SKAP1: variants seen among roughly 807,000 people sequenced by gnomAD.
The protein encoded by SKAP1 is src kinase-associated phosphoprotein 1.
A neutral mutation model predicts 58.5 loss-of-function variants in SKAP1; 44 were observed. That is an observed-to-expected ratio of 0.75 (90% CI 0.59 to 0.97). SKAP1 has a LOEUF of 0.97. Ranked by LOEUF, SKAP1 falls within the 50% of genes least tolerant of loss-of-function variation. The pLI is 0.00. For synonymous variants in SKAP1, 127 were observed against 149.7 expected, an observed-to-expected ratio of 0.85 and a Z score of 1.11; for missense variants, 390 against 435.2, an observed-to-expected ratio of 0.90 and a Z score of 0.92.
intron 4 of SKAP1, among the ~76,000 whole-genome samples, chr17:48,197,328 C>G (rs7209325): frequency 2.6e-3 from 399 of 150,884 alleles, no homozygotes; most frequent in African/African-American, 9.3e-3. Flanking sequence ...CAAGGGTGAT[C>G]ATCTAGAAAA....
chr17:48,401,231 G>A (rs1430874448), intron 1 of SKAP1, among the ~76,000 whole-genome samples: 2 of 151,936 alleles, frequency 1.3e-5, no homozygotes, highest in Non-Finnish European at 2.9e-5. Flanking sequence ...GTTTGAACCT[G>A]GGAGGCCGAG....
chr17:48,425,829 A>G (rs1362295196), intron 1 of SKAP1, among the ~76,000 whole-genome samples: 1 of 152,248 alleles, frequency 6.6e-6, no homozygotes. Context: ...AATATAAAGC[A>G]GACACAGACA....
intron 3 of SKAP1, among the ~76,000 whole-genome samples, chr17:48,362,441 TGTGGATTTTG>T (rs1403635189): frequency 6.6e-6 from 1 of 152,242 alleles, no homozygotes; most frequent in Non-Finnish European, 1.5e-5. Flanking sequence ...TGCTTCCCCC[TGTGGATTTTG>T]GTTAACATCT....
At chr17:48,198,352 G>A (rs2064671936) in intron 4 of SKAP1, among the ~76,000 whole-genome samples, 1 of 150,558 alleles carries the variant, frequency 6.6e-6, no homozygotes, top group South Asian at 2.1e-4. Flanking sequence ...CTACTCGGGA[G>A]GCTGAGGCAG....
intron 4 of SKAP1, among the ~76,000 whole-genome samples, chr17:48,322,912 A>G (rs1333111117): frequency 2.0e-5 from 3 of 152,190 alleles, no homozygotes; most frequent in Non-Finnish European, 4.4e-5. Flanking sequence ...CCTGGCCAAC[A>G]TGGTGAAAAC....
At chr17:48,166,676 C>G (rs1808789897) in intron 10 of SKAP1, among the ~76,000 whole-genome samples, 1 of 152,138 alleles carries the variant, frequency 6.6e-6, no homozygotes, top group Non-Finnish European at 1.5e-5. Flanking sequence ...TGAGTACAAC[C>G]TCTTAAGTTA....
intron 4 of SKAP1, among the ~76,000 whole-genome samples, chr17:48,264,271 C>T (rs1289746407): frequency 6.7e-6 from 1 of 148,216 alleles, no homozygotes; most frequent in Non-Finnish European, 1.5e-5. Flanking sequence ...TATACACACA[C>T]ACAGAGATCA....
chr17:48,356,595 C>T (rs1216921839), intron 3 of SKAP1, among the ~76,000 whole-genome samples: 1 of 151,882 alleles, frequency 6.6e-6, no homozygotes, highest in East Asian at 1.9e-4. Context: ...GTATTTTTTT[C>T]CTCTTTTTAA....
chr17:48,198,333 T>C (rs987989960), intron 4 of SKAP1, among the ~76,000 whole-genome samples: 2 of 151,216 alleles, frequency 1.3e-5, no homozygotes, highest in African/African-American at 2.4e-5. Flanking sequence ...CGGGCGCCTG[T>C]AGTCCCAGCT....
intron 4 of SKAP1, among the ~76,000 whole-genome samples, chr17:48,336,564 A>C (rs1022857374): frequency 6.6e-6 from 1 of 152,208 alleles, no homozygotes; most frequent in Non-Finnish European, 1.5e-5. Flanking sequence ...AGAAGATGGT[A>C]TAGAAAAGAG....
At chr17:48,375,713 C>A (rs2067141972) in intron 2 of SKAP1, among the ~76,000 whole-genome samples, 1 of 152,190 alleles carries the variant, frequency 6.6e-6, no homozygotes, top group African/African-American at 2.4e-5. Context: ...TACATTATGG[C>A]AAAATAAAAA....
At chr17:48,221,315 C>A (rs567329712) in intron 4 of SKAP1, among the ~76,000 whole-genome samples, 1 of 151,882 alleles carries the variant, frequency 6.6e-6, no homozygotes, top group African/African-American at 2.4e-5. Flanking sequence ...TTATGATTTG[C>A]GCATTTTTCT....
At chr17:48,170,527 G>T in intron 10 of SKAP1, 82 bp downstream of exon 10, 2 of 1,179,760 alleles carry the variant, frequency 1.7e-6, no homozygotes, top group South Asian at 1.2e-5. Context: ...AGTAATTTTT[G>T]TAGTCTCAGA....
At chr17:48,408,610 T>G (rs2067620277) in intron 1 of SKAP1, among the ~76,000 whole-genome samples, 1 of 152,194 alleles carries the variant, frequency 6.6e-6, no homozygotes, top group South Asian at 2.1e-4. Context: ...ATATTGGGAA[T>G]GTAAAGATGT....
At chr17:48,170,736 G>A in intron 9 of SKAP1, 77 bp from the exon 10 acceptor site, 3 of 1,269,364 alleles carry the variant, frequency 2.4e-6, no homozygotes, top group Non-Finnish European at 3.4e-6. Flanking sequence ...TCGAGATAGA[G>A]TCTTGCTCTG....
chr17:48,214,541 G>C (rs1486792995), intron 4 of SKAP1, among the ~76,000 whole-genome samples: 1 of 151,714 alleles, frequency 6.6e-6, no homozygotes, highest in African/African-American at 2.4e-5. Context: ...CCCAAGTGCT[G>C]GAATTACAGG....
intron 4 of SKAP1, among the ~76,000 whole-genome samples, chr17:48,227,068 G>C (rs544530422): frequency 6.6e-6 from 1 of 152,196 alleles, no homozygotes; most frequent in South Asian, 2.1e-4. Flanking sequence ...TTCTGGCACA[G>C]GTGAATTCTT....
At chr17:48,326,018 T>C (rs1246641964) in intron 4 of SKAP1, among the ~76,000 whole-genome samples, 5 of 152,226 alleles carry the variant, frequency 3.3e-5, no homozygotes, top group Non-Finnish European at 5.9e-5. Context: ...TACACACACA[T>C]CATCATCATT....
chr17:48,213,025 G>C (rs1357040587), intron 4 of SKAP1, among the ~76,000 whole-genome samples: 1 of 152,174 alleles, frequency 6.6e-6, no homozygotes, highest in African/African-American at 2.4e-5. Context: ...GAGTAGGAAA[G>C]AGTGGGTGCC....
Sources: allele counts gnomAD v4.1 joint callset (sites outside exome capture counted in the v4.1 genomes callset), GRCh38; gene constraint gnomAD v4.1.1; transcripts MANE v1.5; gene names NCBI Gene and HGNC (gene_info 2026-07-23, HGNC 2026-07-21).